The following TAF4B variants were observed in gnomAD, a reference collection of about 807,000 sequenced individuals.
TAF4B encodes transcription initiation factor TFIID subunit 4B.
In TAF4B, 38 loss-of-function variants were observed where a neutral mutation model predicts 86.4. The observed-to-expected ratio is 0.44, with a 90% CI of 0.34 to 0.58. TAF4B has a LOEUF of 0.58. TAF4B is among the 20% of genes least tolerant of loss of function. The pLI is 0.02. For missense variants in TAF4B, 988 were observed against 1,027.6 expected (o/e 0.96, Z 0.53); for synonymous variants, 388 against 391.2 (o/e 0.99, Z 0.10).
rs1424936342 is a variant in TAF4B, at chr18:26,391,389, T to C, written c.*1377T>C. The C allele has an allele frequency of 6.6e-6, 1 of 151,722 alleles. No individual in the cohort carries two copies. The highest frequency in any genetic ancestry group is 1.5e-5 in the Non-Finnish European group (1 of 67,956). 9.4% of individuals were successfully genotyped at this position (151,722 alleles called of 1,614,324 possible). ...AAAAAAAAAAAACACCTCACGTATG[T>C]TATTCTTCATCCTGTTCTTCCCATT... is the stretch of plus-strand genomic sequence containing the variant. On this transcript the variant is annotated 3_prime_UTR_variant, in exon 15 of 15. Transcript: ENST00000269142.
intron 1 of TAF4B, among the ~76,000 whole-genome samples, chr18:26,235,754 G>A (rs1429199817): frequency 1.3e-5 from 2 of 152,216 alleles, no homozygotes; most frequent in African/African-American, 4.8e-5. Flanking sequence ...GAGGTCCAGA[G>A]CAGTGAACCA....
At chr18:26,311,214 G>A (rs1371731751) in intron 9 of TAF4B, among the ~76,000 whole-genome samples, 1 of 152,124 alleles carries the variant, frequency 6.6e-6, no homozygotes, top group Non-Finnish European at 1.5e-5. Context: ...ACAAACATGT[G>A]CTCTCAGGAG....
At position 26,305,190 on chromosome 18, in the gene TAF4B, C is replaced by T. The variant is rs982098523; in HGVS notation, c.1833-10039C>T. 2.6e-5 allele frequency among the ~76,000 whole-genome samples: 4 copies of T among 152,274 alleles called. No homozygotes were observed. In the East Asian group the frequency reaches 7.7e-4, roughly 29 times the overall value. On this transcript the variant is annotated intron_variant, in intron 9 of 14. Coordinates refer to ENST00000269142, the MANE Select transcript of TAF4B (RefSeq NM_005640.3). ...CTAAGATACTTGTATGCACTTACCT[C>T]AAATACAGATATTTACCTTTATATC...
intron 6 of TAF4B, among the ~76,000 whole-genome samples, chr18:26,285,115 G>A (rs930998305): frequency 2.0e-5 from 3 of 150,628 alleles, no homozygotes; most frequent in Non-Finnish European, 4.4e-5. Flanking sequence ...CTACAGGCAT[G>A]CACCACCATG....
intron 1 of TAF4B, among the ~76,000 whole-genome samples, chr18:26,237,666 A>G (rs1568094433): frequency 6.6e-6 from 1 of 152,120 alleles, no homozygotes; most frequent in Non-Finnish European, 1.5e-5. Context: ...ATTATCCTTC[A>G]ATGAAAAGAA....
At chr18:26,310,066 G>A (rs374117745) in intron 9 of TAF4B, among the ~76,000 whole-genome samples, 15 of 152,102 alleles carry the variant, frequency 9.9e-5, no homozygotes, top group African/African-American at 3.4e-4. Context: ...CAGGAGACAC[G>A]CCCACCTCGG....
intron 12 of TAF4B, among the ~76,000 whole-genome samples, chr18:26,332,591 G>T (rs569315286): frequency 2.2e-4 from 34 of 152,036 alleles, no homozygotes; most frequent in African/African-American, 8.2e-4. Context: ...GTGCAATGGG[G>T]TGGTCTCGGC....
chr18:26,309,245 A>ATTTTTTTTT (rs59457633), intron 9 of TAF4B, among the ~76,000 whole-genome samples: 2 of 84,590 alleles, frequency 2.4e-5, no homozygotes, highest in Admixed American at 1.7e-4. Flanking sequence ...ACCTGACAGT[A>ATTTTTTTTT]TTTTTTTTTT....
Position 26,274,761 on chromosome 18 carries a change from T to A in TAF4B, c.696T>A (p.Thr232=), listed in dbSNP as rs1166377248. 6.2e-7 allele frequency: 1 copy of A among 1,614,192 alleles called. No homozygotes were observed. The highest frequency in any genetic ancestry group is 8.5e-7 in the Non-Finnish European group (1 of 1,180,024). The change falls in exon 4 of 15, where the codon ACT becomes ACA. Residue 232 remains threonine, a synonymous_variant. Transcript: ENST00000269142. Reference sequence around the variant, plus strand: ...CTTCAAGTTTGGGAGCATCATCCACTCCTTCAAATGAGCCCAATCTTAAAG... The same window carrying A: ...CTTCAAGTTTGGGAGCATCATCCACACCTTCAAATGAGCCCAATCTTAAAG... ...LKPSSLGASS[T]PSNEPNLKAE...
chr18:26,318,032 T>A (rs1466803568), intron 10 of TAF4B, among the ~76,000 whole-genome samples: 2 of 152,146 alleles, frequency 1.3e-5, no homozygotes, highest in African/African-American at 2.4e-5. Flanking sequence ...ACTTCTTTTT[T>A]AAAAAAATAT....
chr18:26,272,130 C>T (rs1445288039), intron 3 of TAF4B, among the ~76,000 whole-genome samples: 1 of 152,072 alleles, frequency 6.6e-6, no homozygotes, highest in East Asian at 1.9e-4. Context: ...AGGCTCCACC[C>T]CTCCTCCTCC....
intron 5 of TAF4B, among the ~76,000 whole-genome samples, chr18:26,281,256 AAAAT>A (rs2056445548): frequency 6.6e-6 from 1 of 151,222 alleles, no homozygotes; most frequent in Non-Finnish European, 1.5e-5. Flanking sequence ...TCTTGAATCT[AAAAT>A]AAAAGCTGAA....
chr18:26,240,852 T>C (rs2055826829), intron 1 of TAF4B, among the ~76,000 whole-genome samples: 2 of 152,168 alleles, frequency 1.3e-5, no homozygotes, highest in African/African-American at 2.4e-5. Flanking sequence ...TCATGTGGTT[T>C]TTGTCTTTGG....
chr18:26,255,934 C>T, intron 1 of TAF4B: 1 of 1,292,782 alleles, frequency 7.7e-7, no homozygotes, highest in South Asian at 1.2e-5. Flanking sequence ...TCTGAGCCGT[C>T]ATCTGACTGG....
intron 14 of TAF4B, among the ~76,000 whole-genome samples, chr18:26,381,574 A>G (rs1451033106): frequency 1.3e-5 from 2 of 151,808 alleles, no homozygotes; most frequent in Admixed American, 6.6e-5. Context: ...TAAAACTACA[A>G]AAGTTAGCCG....
chr18:26,326,210 C>A (rs567448287), intron 11 of TAF4B, among the ~76,000 whole-genome samples: 2 of 152,116 alleles, frequency 1.3e-5, no homozygotes, highest in Non-Finnish European at 2.9e-5. Flanking sequence ...TATACACACT[C>A]ATAGAGGAGA....
At chr18:26,296,654 G>C (rs1568135724) in intron 9 of TAF4B, among the ~76,000 whole-genome samples, 1 of 152,114 alleles carries the variant, frequency 6.6e-6, no homozygotes, top group African/African-American at 2.4e-5. Context: ...CATGTACCAA[G>C]TATCACTGTC....
chr18:26,235,126 G>A (rs2055729602), intron 1 of TAF4B, among the ~76,000 whole-genome samples: 1 of 152,140 alleles, frequency 6.6e-6, no homozygotes, highest in African/African-American at 2.4e-5. Context: ...CCTGTGGGAA[G>A]GCTTAAGGCT....
intron 13 of TAF4B, among the ~76,000 whole-genome samples, chr18:26,353,356 C>CTTAGA (rs2057260268): frequency 6.6e-6 from 1 of 152,186 alleles, no homozygotes. Context: ...ACCATGTGAT[C>CTTAGA]CTATCAATTA....
Sources: allele counts gnomAD v4.1 joint callset (sites outside exome capture counted in the v4.1 genomes callset), GRCh38; gene constraint gnomAD v4.1.1; transcripts MANE v1.5; gene names NCBI Gene and HGNC (gene_info 2026-07-23, HGNC 2026-07-21).